SCAF1: variants seen among roughly 807,000 people sequenced by gnomAD.
SCAF1 encodes SR-related CTD associated factor 1.
SCAF1 carries 28 observed loss-of-function variants against 91.2 expected under a neutral mutation model. The observed-to-expected ratio is 0.31, with a 90% CI of 0.23 to 0.42. SCAF1 has a LOEUF of 0.42. SCAF1 is among the 10% of genes least tolerant of loss of function. SCAF1 has a pLI of 1.00. For missense variants in SCAF1, 1,893 were observed against 1,872.1 expected, an observed-to-expected ratio of 1.01 and a Z score of -0.21; for synonymous variants, 1,036 against 833.7, an observed-to-expected ratio of 1.24 and a Z score of -4.18.
In SCAF1 at chr19:49,652,131, GCTCCA is replaced by G; in HGVS notation, c.1744_1748del (p.Ser582ProfsTer69). ...CGCTCCCGCTCCCGCTCCCGCTCCCGCTCCACCCGCCGCCGCTCGCGCAGCACCGA... is the reference window on the plus strand; with the variant it reads ...CGCTCCCGCTCCCGCTCCCGCTCCCGCCCGCCGCCGCTCGCGCAGCACCGA... On this transcript the variant is annotated frameshift_variant, in exon 7 of 11. Coordinates refer to ENST00000360565, the MANE Select transcript of SCAF1 (RefSeq NM_021228.3). LOFTEE classifies it high-confidence loss of function. The G allele has an allele frequency of 2.0e-6, 2 of 993,932 alleles. No homozygotes were observed. Among genetic ancestry groups the G allele is most frequent in the South Asian group, 2.8e-5 (1 of 35,866 alleles). 61.6% of individuals were successfully genotyped at this position (993,932 alleles called of 1,614,324 possible).
intron 9 of SCAF1, among the ~76,000 whole-genome samples, chr19:49,656,557 C>T (rs990172675): frequency 1.3e-5 from 2 of 152,230 alleles, no homozygotes; most frequent in Non-Finnish European, 2.9e-5. Context: ...CCACGTGGCT[C>T]TCTGGCTAGA....
At chr19:49,654,321 C>T (rs986598510) in intron 7 of SCAF1, 28 bp from the exon 8 acceptor site, 2 of 1,603,208 alleles carry the variant, frequency 1.2e-6, no homozygotes, top group Non-Finnish European at 1.7e-6. Flanking sequence ...CTCCCATCTT[C>T]ATGTTGTCAC....
rs772498513 is a variant in SCAF1, at chr19:49,651,619, C to T, written c.1230C>T (p.Phe410=). 25 of 1,467,892 alleles carry T rather than the reference C, an allele frequency of 1.7e-5. No individual in the cohort carries two copies. In the African/African-American group the frequency reaches 3.4e-4, roughly 20 times the overall value. The allele number at this position is 1,467,892 out of a possible 1,614,324, so 90.9% of individuals were successfully genotyped here. A position where few individuals can be genotyped will look rare whatever the true frequency, so the allele number is the denominator to read the frequency against. ...AGCCCAGGCTGGCGCTGTCCCTCTT[C>T]CGCCCCGGCGGCCGGGCCGCCCGGC... The part of the protein sequence containing the change: ...EEEPRLALSL[F]RPGGRAARPT... The change falls in exon 7 of 11, where the codon TTC becomes TTT. Residue 410 remains phenylalanine (F), a synonymous_variant. Transcript: ENST00000360565.
At chr19:49,655,993 A>G (rs956385672) in intron 9 of SCAF1, among the ~76,000 whole-genome samples, 1 of 152,228 alleles carries the variant, frequency 6.6e-6, no homozygotes, top group African/African-American at 2.4e-5. Context: ...CTTACAGTCT[A>G]GTAGCCCATA....
chr19:49,652,121 T>C lies in SCAF1; in HGVS notation c.1732T>C (p.Ser578Pro). Residue 578 changes from serine (S) to proline (P), a missense_variant, in exon 7 of 11, where the codon TCC (serine) becomes CCC (proline). Coordinates refer to ENST00000360565, the MANE Select transcript of SCAF1 (RefSeq NM_021228.3). ...CGCCCGCCGCCGCTCCCGCTCCCGC[T>C]CCCGCTCCCGCTCCACCCGCCGCCG... is the stretch of plus-strand genomic sequence containing the variant. ...SSARRRSRSR[S>P]RSRSTRRRSR... 9.0e-7 allele frequency: 1 copy of C among 1,117,256 alleles called. No individual in the cohort carries two copies. The highest frequency in any genetic ancestry group is 1.1e-6 in the Non-Finnish European group (1 of 908,770). The allele number at this position is 1,117,256 out of a possible 1,614,324, so 69.2% of individuals were successfully genotyped here.
chr19:49,654,251 A>C, intron 7 of SCAF1, 98 bp from the exon 8 acceptor site: 2 of 1,042,986 alleles, frequency 1.9e-6, no homozygotes, highest in Non-Finnish European at 2.9e-6. Context: ...TTCTGGGGCC[A>C]AGGGCAGGAG....
chr19:49,646,497 C>T lies in SCAF1; in HGVS notation c.262-29C>T, dbSNP rs765489452. 59 of 1,587,966 alleles carry T rather than the reference C, an allele frequency of 3.7e-5. No individual in the cohort carries two copies. Among genetic ancestry groups the T allele is most frequent in the Non-Finnish European group, 4.7e-5 (54 of 1,156,768 alleles). ...TTGCCAGTCTTCATGTGACCAGGGACGGCGTAGAGCCTCTCTGGCCTCTTC... is the reference window on the plus strand; with the variant it reads ...TTGCCAGTCTTCATGTGACCAGGGATGGCGTAGAGCCTCTCTGGCCTCTTC... On this transcript the variant is annotated intron_variant, in intron 4 of 10. Coordinates refer to ENST00000360565, the MANE Select transcript of SCAF1 (RefSeq NM_021228.3). This position sits in a 1 kb window ranked among gnomAD's most constrained non-coding sequence, Gnocchi z 5.6.
chr19:49,654,318 C>G, intron 7 of SCAF1, 31 bp from the exon 8 acceptor site: 1 of 1,598,824 alleles, frequency 6.3e-7, no homozygotes, highest in African/African-American at 1.3e-5. Flanking sequence ...CCTCTCCCAT[C>G]TTCATGTTGT....
At chr19:49,644,911 G>T in intron 1 of SCAF1, 110 bp from the exon 2 acceptor site, 2 of 726,226 alleles carry the variant, frequency 2.8e-6, no homozygotes. Context: ...GGGTGCCAGA[G>T]GGGATGCTGA....
At chr19:49,656,540 T>C (rs951929230) in intron 9 of SCAF1, among the ~76,000 whole-genome samples, 1 of 152,198 alleles carries the variant, frequency 6.6e-6, no homozygotes, top group Admixed American at 6.5e-5. Flanking sequence ...CCTGTTCTTC[T>C]CTGGTCCCAC....
chr19:49,652,115 TCCCGCTCCCG>T lies in SCAF1; in HGVS notation c.1728_1737del (p.Arg577ProfsTer158). ...GTCGTCCGCCCGCCGCCGCTCCCGC[TCCCGCTCCCG>T]CTCCCGCTCCACCCGCCGCCGCTCG... On this transcript the variant is annotated frameshift_variant, in exon 7 of 11. Transcript: ENST00000360565. LOFTEE classifies it high-confidence loss of function. 9.3e-7 allele frequency: 1 copy of T among 1,078,786 alleles called. No homozygotes were observed. The highest frequency in any genetic ancestry group is 1.1e-6 in the Non-Finnish European group (1 of 881,998). The allele number at this position is 1,078,786 out of a possible 1,614,324, so 66.8% of individuals were successfully genotyped here.
chr19:49,646,311 C>A lies in SCAF1; in HGVS notation c.261+109C>A. 1 of 999,972 alleles carries A rather than the reference C, an allele frequency of 1.0e-6. No individual in the cohort carries two copies. Among genetic ancestry groups the A allele is most frequent in the South Asian group, 1.5e-5 (1 of 65,178 alleles). The allele number at this position is 999,972 out of a possible 1,614,324, so 61.9% of individuals were successfully genotyped here. A position where few individuals can be genotyped will look rare whatever the true frequency, so the allele number is the denominator to read the frequency against. On this transcript the variant is annotated intron_variant, in intron 4 of 10. Transcript: ENST00000360565. This position sits in a 1 kb window ranked among gnomAD's most constrained non-coding sequence, Gnocchi z 5.6. Reference sequence around the variant, plus strand: ...TTGGGGACCTGGACTCCTGGCTCTGCGATGCTGACCAGGGGCAATGTTGGA... The same window carrying A: ...TTGGGGACCTGGACTCCTGGCTCTGAGATGCTGACCAGGGGCAATGTTGGA...
In SCAF1 at chr19:49,651,861, G is replaced by A. The variant is rs1026228042; in HGVS notation, c.1472G>A (p.Arg491Gln). The change falls in exon 7 of 11, where the codon CGG becomes CAG. Residue 491 changes from arginine to glutamine, a missense_variant. By Grantham distance (43) the Arg-to-Gln change is conservative. Coordinates refer to ENST00000360565, the MANE Select transcript of SCAF1 (RefSeq NM_021228.3). Reference sequence around the variant, plus strand: ...CGCCGCAAGATCCTGACCCAACGGCGGGAGCGCTACCGCCAGCGCTCGCCC... The same window carrying A: ...CGCCGCAAGATCCTGACCCAACGGCAGGAGCGCTACCGCCAGCGCTCGCCC... ...DLRRKILTQR[R>Q]ERYRQRSPSP... The A allele has an allele frequency of 2.4e-6, 3 of 1,243,478 alleles. No individual in the cohort carries two copies. In the African/African-American group the frequency reaches 4.9e-5, roughly 20 times the overall value. 77.0% of individuals were successfully genotyped at this position (1,243,478 alleles called of 1,614,324 possible).
At position 49,651,901 on chromosome 19, in the gene SCAF1, G is replaced by T; in HGVS notation, c.1512G>T (p.Ala504=). 1 of 1,152,926 alleles carries T rather than the reference G, an allele frequency of 8.7e-7. No individual in the cohort carries two copies. Among genetic ancestry groups the T allele is most frequent in the Non-Finnish European group, 1.1e-6 (1 of 934,772 alleles). The allele number at this position is 1,152,926 out of a possible 1,614,324, so 71.4% of individuals were successfully genotyped here. ...YRQRSPSPAP[A]PAPAAAAGPP... The stretch of plus-strand genomic sequence containing the variant: ...AGCGCTCGCCCTCCCCGGCGCCCGC[G>T]CCCGCCCCGGCCGCCGCTGCTGGTC... Residue 504 remains alanine (A), a synonymous_variant, in exon 7 of 11, where the codon GCG becomes GCT. Coordinates refer to ENST00000360565, the MANE Select transcript of SCAF1 (RefSeq NM_021228.3).
At position 49,652,478 on chromosome 19, in the gene SCAF1, G is replaced by A. The variant is rs778682995; in HGVS notation, c.2089G>A (p.Asp697Asn). 6.3e-7 allele frequency: 1 copy of A among 1,594,926 alleles called. No homozygotes were observed. Among genetic ancestry groups the A allele is most frequent in the Non-Finnish European group, 8.5e-7 (1 of 1,173,870 alleles). The change falls in exon 7 of 11, where the codon GAC becomes AAC. Residue 697 changes from aspartate to asparagine, a missense_variant. Asp to Asn is a conservative substitution (Grantham distance 23). Coordinates refer to ENST00000360565, the MANE Select transcript of SCAF1 (RefSeq NM_021228.3). The stretch of plus-strand genomic sequence containing the variant: ...CTCCATCCAGGACCTCACGGACCAC[G>A]ACCTCTTCGCCATCAAGCGGACCAT... ...PPSIQDLTDH[D>N]LFAIKRTITV...
chr19:49,656,727 A>C (rs957442198), intron 9 of SCAF1, among the ~76,000 whole-genome samples: 1 of 151,854 alleles, frequency 6.6e-6, no homozygotes, highest in African/African-American at 2.4e-5. Flanking sequence ...TCCCCTTTTC[A>C]TCCCATGGCC....
At position 49,646,526 on chromosome 19, in the gene SCAF1, G is replaced by C; in HGVS notation, c.262G>C (p.Val88Leu). 6.2e-7 allele frequency: 1 copy of C among 1,613,668 alleles called. No individual in the cohort carries two copies. The highest frequency in any genetic ancestry group is 8.5e-7 in the Non-Finnish European group (1 of 1,179,674). ...GTAGAGCCTCTCTGGCCTCTTCCAG[G>C]TGTTGGACATGGCCACGGACAGCTT... is the stretch of plus-strand genomic sequence containing the variant. ...QESGGTDTATVLDMATDSFLA... is the reference protein window; with the variant it reads ...QESGGTDTATLLDMATDSFLA... Residue 88 changes from valine to leucine, a missense_variant and splice_region_variant, in exon 5 of 11, where the codon GTG becomes CTG. Physicochemically the swap from Val to Leu is conservative, Grantham distance 32. This residue lies in a region of SCAF1 where 270 missense variants were observed against 292.5 expected (regional missense o/e 0.92). Coordinates refer to ENST00000360565, the MANE Select transcript of SCAF1 (RefSeq NM_021228.3). The surrounding 1 kb of genome is among the most constrained non-coding windows in gnomAD (Gnocchi z 5.6).
rs2081101515 is a variant in SCAF1 at position 49,652,311 on chromosome 19, A to G, written c.1922A>G (p.Lys641Arg). The G allele has an allele frequency of 2.0e-6, 3 of 1,482,350 alleles. No homozygotes were observed. The South Asian group carries it at 3.9e-5, about 19-fold the overall frequency. 91.8% of individuals were successfully genotyped at this position (1,482,350 alleles called of 1,614,324 possible). A position where few individuals can be genotyped will look rare whatever the true frequency, so the allele number is the denominator to read the frequency against. Reference sequence around the variant, plus strand: ...AAACACCGGGACGGTGGCGGCAGCAAGAAGAAGAAGAAGCGGTCGCGGTCC... The same window carrying G: ...AAACACCGGGACGGTGGCGGCAGCAGGAAGAAGAAGAAGCGGTCGCGGTCC... ...RGKHRDGGGS[K>R]KKKKRSRSRG... The change falls in exon 7 of 11, where the codon AAG (lysine) becomes AGG (arginine). Residue 641 changes from lysine to arginine, a missense_variant. Physicochemically the swap from Lys to Arg is conservative, Grantham distance 26 (BLOSUM62 2). Around this residue, in one of 5 missense-constraint regions of SCAF1, gnomAD observed 1,436 missense variants for 1,306.8 expected, o/e 1.10. Transcript: ENST00000360565.
At chr19:49,654,512 C>T (rs1232149822) in intron 8 of SCAF1, 81 bp downstream of exon 8, 7 of 1,442,034 alleles carry the variant, frequency 4.9e-6, no homozygotes, top group Non-Finnish European at 6.8e-6. Flanking sequence ...GCGGGCCTGG[C>T]AGCTCTGGGG....
Sources: allele counts gnomAD v4.1 joint callset (sites outside exome capture counted in the v4.1 genomes callset), GRCh38; gene constraint gnomAD v4.1.1; regional missense constraint gnomAD v4.1.1; non-coding constraint Gnocchi (gnomAD v3.1); transcripts MANE v1.5; gene names NCBI Gene and HGNC (gene_info 2026-07-23, HGNC 2026-07-21).